The following IGSF9B variants were observed in gnomAD, a reference collection of about 807,000 sequenced individuals.
IGSF9B encodes the protein immunoglobulin superfamily member 9B, also known as protein turtle homolog B.
IGSF9B carries 48 observed loss-of-function variants against 143.7 expected under a neutral mutation model. The ratio of observed to expected loss-of-function variants is 0.33; its 90% confidence interval spans 0.26 to 0.42. IGSF9B has a LOEUF of 0.42. Among genes scored for constraint, IGSF9B ranks in the 20% least tolerant of loss-of-function variants. The probability of loss-of-function intolerance (pLI) is 1.00; values close to 1 mark genes in which losing one functional copy is unlikely to be tolerated. For missense variants in IGSF9B, 1,706 were observed against 1,980.0 expected (o/e 0.86, Z 2.63); for synonymous variants, 903 against 833.1 (o/e 1.08, Z -1.44).
chr11:133,910,691 G>A (rs142491277), intron 19 of IGSF9B, among the ~76,000 whole-genome samples: 26 of 152,286 alleles, frequency 1.7e-4, no homozygotes, highest in African/African-American at 6.0e-4. Context: ...GAAGGGACCT[G>A]GGCTAAAGAC....
chr11:133,926,030 C>A, intron 13 of IGSF9B, 65 bp from the exon 14 acceptor site: 1 of 1,177,510 alleles, frequency 8.5e-7, no homozygotes, highest in Non-Finnish European at 1.2e-6. Flanking sequence ...ACCGCACCCC[C>A]CACACTCCTG....
chr11:133,902,741 C>T lies in IGSF9B; in HGVS notation c.*6328G>A, dbSNP rs1354480651. Among the ~76,000 whole-genome samples the T allele has an allele frequency of 6.6e-6, 1 of 152,170 alleles. No homozygotes were observed. Among genetic ancestry groups the T allele is most frequent in the Admixed American group, 6.6e-5 (1 of 15,266 alleles). Reference sequence around the variant, plus strand: ...ACACCGTCGGCCATGGCACACCTCTCGTTGTTCATGGGAGGCCATATAAAA... The same window carrying T: ...ACACCGTCGGCCATGGCACACCTCTTGTTGTTCATGGGAGGCCATATAAAA... On this transcript the variant is annotated 3_prime_UTR_variant, in exon 20 of 20. Coordinates refer to ENST00000533871, the MANE Select transcript of IGSF9B (RefSeq NM_001277285.4).
rs769386401 is a variant in IGSF9B, at chr11:133,921,419, G to A, written c.2328-22C>T. ...CAAGCTGCAAGGAGGAGCAAGAGCCGGGAGGGGATGAGGTGGGGCAGTGTG... is the reference window on the plus strand; with the variant it reads ...CAAGCTGCAAGGAGGAGCAAGAGCCAGGAGGGGATGAGGTGGGGCAGTGTG... On this transcript the variant is annotated intron_variant, in intron 17 of 19. Coordinates refer to ENST00000533871, the MANE Select transcript of IGSF9B (RefSeq NM_001277285.4). 7.2e-5 allele frequency: 106 copies of A among 1,464,208 alleles called. 1 individual carries two copies. The Admixed American group carries it at 1.1e-3, about 15-fold the overall frequency. The allele number at this position is 1,464,208 out of a possible 1,614,324, so 90.7% of individuals were successfully genotyped here.
chr11:133,938,021 A>G, intron 3 of IGSF9B, 60 bp from the exon 4 acceptor site: 3 of 1,559,782 alleles, frequency 1.9e-6, no homozygotes, highest in Non-Finnish European at 2.6e-6. Flanking sequence ...GCCCTGCAAC[A>G]ACAGTACCTG....
chr11:133,923,939 G>A (rs1362620962), intron 15 of IGSF9B, among the ~76,000 whole-genome samples: 5 of 152,210 alleles, frequency 3.3e-5, no homozygotes, highest in African/African-American at 7.2e-5. Flanking sequence ...GAAAGACTGT[G>A]GGTTCTGCTA....
chr11:133,918,973 G>T, intron 18 of IGSF9B: 1 of 472,196 alleles, frequency 2.1e-6, no homozygotes, highest in South Asian at 1.5e-5. Flanking sequence ...GGACGGCAGG[G>T]AAGAAGGATG....
rs1166517403 is a variant in IGSF9B at position 133,906,841 on chromosome 11, G to C, written c.*2228C>G. Among the ~76,000 whole-genome samples the C allele has an allele frequency of 6.6e-6, 1 of 152,140 alleles. No individual in the cohort carries two copies. Among genetic ancestry groups the C allele is most frequent in the Non-Finnish European group, 1.5e-5 (1 of 68,026 alleles). ...GGGGTAGAAATCTCACACTGCCAGT[G>C]CATAAAGGCTGCACGTCAGCTTGCG... On this transcript the variant is annotated 3_prime_UTR_variant, in exon 20 of 20. Coordinates refer to ENST00000533871, the MANE Select transcript of IGSF9B (RefSeq NM_001277285.4).
chr11:133,939,892 A>G (rs139001237), intron 3 of IGSF9B, among the ~76,000 whole-genome samples: 1 of 149,554 alleles, frequency 6.7e-6, no homozygotes, highest in African/African-American at 2.5e-5. Flanking sequence ...GCGTCATCAC[A>G]TACAGAAACA....
intron 15 of IGSF9B, 165 bp downstream of exon 15, chr11:133,924,655 T>A: frequency 1.6e-6 from 1 of 611,160 alleles, no homozygotes. Context: ...GAAATATGGG[T>A]CTGGTGGGCT....
At chr11:133,955,593 T>C (rs1240183183) in intron 1 of IGSF9B, among the ~76,000 whole-genome samples, 1 of 152,100 alleles carries the variant, frequency 6.6e-6, no homozygotes, top group Non-Finnish European at 1.5e-5. Flanking sequence ...CGCCATCTCC[T>C]CCGGCTTGGT....
In IGSF9B at chr11:133,899,014, C is replaced by T. The variant is rs1450410442; in HGVS notation, c.*10055G>A. On this transcript the variant is annotated 3_prime_UTR_variant, in exon 20 of 20. Coordinates refer to ENST00000533871, the MANE Select transcript of IGSF9B (RefSeq NM_001277285.4). Reference sequence around the variant, plus strand: ...GTGGGGAAGAGGGACAGGGCCCACACTGATCCATGGGAGAGTGATTCTCAC... The same window carrying T: ...GTGGGGAAGAGGGACAGGGCCCACATTGATCCATGGGAGAGTGATTCTCAC... The T allele has an allele frequency of 1.3e-5, 2 of 152,434 alleles. No homozygotes were observed. Among genetic ancestry groups the T allele is most frequent in the East Asian group, 3.9e-4 (2 of 5,186 alleles). The allele number at this position is 152,434 out of a possible 1,614,324, so 9.4% of individuals were successfully genotyped here.
At chr11:133,918,205 A>T (rs1939429769) in intron 18 of IGSF9B, among the ~76,000 whole-genome samples, 1 of 152,066 alleles carries the variant, frequency 6.6e-6, no homozygotes, top group Admixed American at 6.5e-5. Context: ...GGCCCGGCCG[A>T]AGCCCCGTCC....
rs1186275167 is a variant in IGSF9B at position 133,920,729 on chromosome 11, G to A, written c.2996C>T (p.Pro999Leu). The change falls in exon 18 of 20, where the codon CCG (proline) becomes CTG (leucine). Residue 999 changes from proline to leucine, a missense_variant. Physicochemically the swap from Pro to Leu is moderately conservative, Grantham distance 98. Coordinates refer to ENST00000533871, the MANE Select transcript of IGSF9B (RefSeq NM_001277285.4). Reference protein sequence around the residue: ...GSPLSSVMSSPPLPTEGPFGH... With the variant: ...GSPLSSVMSSLPLPTEGPFGH... ...AAAGGGCCCCTCGGTGGGCAGGGGC[G>A]GGGACGACATGACGGAGCTCAGGGG... 1.9e-5 allele frequency: 30 copies of A among 1,612,828 alleles called. No individual in the cohort carries two copies. The highest frequency in any genetic ancestry group is 4.4e-5 in the South Asian group (4 of 91,068).
Position 133,902,305 on chromosome 11 carries a change from C to T in IGSF9B, c.*6764G>A, listed in dbSNP as rs1172818937. On this transcript the variant is annotated 3_prime_UTR_variant, in exon 20 of 20. Transcript: ENST00000533871. ...ACCAGACACATCACACATACACGCA[C>T]ACCACAGATACACACACACCATACC... Among the ~76,000 whole-genome samples the T allele has an allele frequency of 6.7e-6, 1 of 148,598 alleles. No homozygotes were observed. Among genetic ancestry groups the T allele is most frequent in the Non-Finnish European group, 1.5e-5 (1 of 66,956 alleles).
Position 133,900,525 on chromosome 11 carries a change from A to G in IGSF9B, c.*8544T>C, listed in dbSNP as rs542937776. ...GAACTCCTGCTCCCCAGAATCTCCC[A>G]TTGTGGGTCCAGTTCTGCCAATACA... On this transcript the variant is annotated 3_prime_UTR_variant, in exon 20 of 20. Coordinates refer to ENST00000533871, the MANE Select transcript of IGSF9B (RefSeq NM_001277285.4). The G allele has an allele frequency of 1.3e-5, 2 of 152,652 alleles. No individual in the cohort carries two copies. Among genetic ancestry groups the G allele is most frequent in the East Asian group, 3.9e-4 (2 of 5,154 alleles). 9.5% of individuals were successfully genotyped at this position (152,652 alleles called of 1,614,324 possible). A position where few individuals can be genotyped will look rare whatever the true frequency, so the allele number is the denominator to read the frequency against.
intron 1 of IGSF9B, among the ~76,000 whole-genome samples, chr11:133,955,640 C>T (rs997146569): frequency 6.6e-6 from 1 of 152,206 alleles, no homozygotes; most frequent in Non-Finnish European, 1.5e-5. Context: ...TGCGCGCTGA[C>T]AGCCCTGAGC....
chr11:133,921,534 A>G, intron 17 of IGSF9B, 137 bp from the exon 18 acceptor site: 1 of 634,814 alleles, frequency 1.6e-6, no homozygotes, highest in Non-Finnish European at 2.6e-6. Context: ...CGTGGTGTGA[A>G]ATGCTTTGGC....
Position 133,956,879 on chromosome 11 carries a change from T to G in IGSF9B, c.-125A>C. 2 of 482,714 alleles carry G rather than the reference T, an allele frequency of 4.1e-6. No individual in the cohort carries two copies. Among genetic ancestry groups the G allele is most frequent in the Non-Finnish European group, 6.8e-6 (2 of 294,716 alleles). The allele number at this position is 482,714 out of a possible 1,614,324, so 29.9% of individuals were successfully genotyped here. A position where few individuals can be genotyped will look rare whatever the true frequency, so the allele number is the denominator to read the frequency against. On this transcript the variant is annotated 5_prime_UTR_variant, in exon 1 of 20. Transcript: ENST00000533871. ...CGCCTACGCCCCGCGCCGGTGCTCC[T>G]GCAGCCCGGGTGGCCAGCTCTCCAT...
Position 133,904,070 on chromosome 11 carries a change from A to G in IGSF9B, c.*4999T>C, listed in dbSNP as rs1413732709. On this transcript the variant is annotated 3_prime_UTR_variant, in exon 20 of 20. Transcript: ENST00000533871. ...CACAGACTAGTGACTTTAGCCTATCAAAAGAAGAGAAAGTAAAGAGAAGGC... is the reference window on the plus strand; with the variant it reads ...CACAGACTAGTGACTTTAGCCTATCGAAAGAAGAGAAAGTAAAGAGAAGGC... Among the ~76,000 whole-genome samples the G allele has an allele frequency of 6.6e-6, 1 of 152,186 alleles. No individual in the cohort carries two copies. Among genetic ancestry groups the G allele is most frequent in the African/African-American group, 2.4e-5 (1 of 41,452 alleles).
Sources: allele counts gnomAD v4.1 joint callset (sites outside exome capture counted in the v4.1 genomes callset), GRCh38; gene constraint gnomAD v4.1.1; transcripts MANE v1.5; gene names NCBI Gene and HGNC (gene_info 2026-07-23, HGNC 2026-07-21).